Variants in PITPNB observed in about 807,000 individuals in gnomAD.
The protein encoded by PITPNB is phosphatidylinositol transfer protein beta isoform.
Under a neutral mutation model 45.9 loss-of-function variants are expected in PITPNB, and 16 were observed. The observed-to-expected ratio is 0.35, with a 90% CI of 0.24 to 0.53. PITPNB has a LOEUF of 0.53. Among genes scored for constraint, PITPNB ranks in the 20% least tolerant of loss-of-function variants. PITPNB has a pLI of 0.93. For missense variants in PITPNB, 188 were observed against 330.5 expected (o/e 0.57, Z 3.34); for synonymous variants, 112 against 108.9 (o/e 1.03, Z -0.18).
intron 8 of PITPNB, among the ~76,000 whole-genome samples, chr22:27,870,405 T>C (rs1312352763): frequency 1.3e-5 from 2 of 152,182 alleles, no homozygotes; most frequent in Admixed American, 6.6e-5. Context: ...AAAGAAATCA[T>C]AGGATTTGCA....
In PITPNB at chr22:27,904,399, AT is replaced by A. The variant is rs375333445; in HGVS notation, c.198-6508del. Among the ~76,000 whole-genome samples, 1,028 of 152,368 alleles carry A rather than the reference AT, an allele frequency of 6.7e-3. 7 individuals are homozygous for A. The highest frequency in any genetic ancestry group is 0.022 in the African/African-American group (934 of 41,578). ...GGAAGGCCACATATTACATGATTCCATTTATATAAAATATCCACAGTATATC... is the reference window on the plus strand; with the variant it reads ...GGAAGGCCACATATTACATGATTCCATTATATAAAATATCCACAGTATATC... On this transcript the variant is annotated intron_variant, in intron 3 of 11. Transcript: ENST00000335272.
At chr22:27,854,801 T>C (rs1469391107) in intron 11 of PITPNB, 53 bp downstream of exon 11, 4 of 1,059,828 alleles carry the variant, frequency 3.8e-6, no homozygotes, top group African/African-American at 1.6e-5. Flanking sequence ...TAACTGCCCA[T>C]CACCAAAAAG....
At position 27,884,130 on chromosome 22, in the gene PITPNB, C is replaced by A. The variant is rs534096920; in HGVS notation, c.457-10315G>T. Among the ~76,000 whole-genome samples the A allele has an allele frequency of 6.2e-4, 87 of 139,566 alleles. No homozygotes were observed. In the Middle Eastern group the frequency reaches 0.014, roughly 23 times the overall value. 91.6% of individuals were successfully genotyped at this position (139,566 alleles called of 152,430 possible). ...TCAACAGCAGCAACAACCCAGGGAC[C>A]ACACAGTGTAGGGAGGGAAGGCTGG... On this transcript the variant is annotated intron_variant, in intron 7 of 11. Transcript: ENST00000335272.
At chr22:27,890,080 T>C (rs147594303) in intron 7 of PITPNB, among the ~76,000 whole-genome samples, 56 of 151,942 alleles carry the variant, frequency 3.7e-4, no homozygotes, top group African/African-American at 1.3e-3. Flanking sequence ...TCAATGCCTG[T>C]GAAAGTGGAC....
chr22:27,866,902 T>C (rs1393567400), intron 8 of PITPNB, among the ~76,000 whole-genome samples: 6 of 152,144 alleles, frequency 3.9e-5, no homozygotes, highest in Non-Finnish European at 7.3e-5. Context: ...TCAGTAAATA[T>C]CAACACAAGA....
In PITPNB at chr22:27,914,362, G is replaced by GA; in HGVS notation, c.21-16dup. 1.3e-6 allele frequency: 2 copies of GA among 1,530,300 alleles called. No homozygotes were observed. Among genetic ancestry groups the GA allele is most frequent in the Non-Finnish European group, 1.8e-6 (2 of 1,109,870 alleles). The allele number at this position is 1,530,300 out of a possible 1,614,324, so 94.8% of individuals were successfully genotyped here. A position where few individuals can be genotyped will look rare whatever the true frequency, so the allele number is the denominator to read the frequency against. On this transcript the variant is annotated splice_polypyrimidine_tract_variant and intron_variant, in intron 1 of 11. Coordinates refer to ENST00000335272, the MANE Select transcript of PITPNB (RefSeq NM_012399.5). ...AAACCACACGGCTAAAAAGACAAAA[G>GA]AAAAAATATATATATTACATATGAA...
chr22:27,890,357 A>ATT (rs35291498), intron 7 of PITPNB, among the ~76,000 whole-genome samples: 331 of 148,374 alleles, frequency 2.2e-3, no homozygotes, highest in Non-Finnish European at 2.4e-3. Flanking sequence ...TACTGGAATT[A>ATT]TTTTTTTTTT....
chr22:27,908,069 T>G lies in PITPNB; in HGVS notation c.197+2895A>C, dbSNP rs377378078. On this transcript the variant is annotated intron_variant, in intron 3 of 11. Coordinates refer to ENST00000335272, the MANE Select transcript of PITPNB (RefSeq NM_012399.5). ...TCATCCCCAAATAACCTCTCCGGAA[T>G]AAGAATATCTCTTGCACTAACCATA... 8.6e-5 allele frequency among the ~76,000 whole-genome samples: 13 copies of G among 151,936 alleles called. No homozygotes were observed. In the East Asian group the frequency reaches 2.4e-3, roughly 28 times the overall value.
chr22:27,881,758 C>T lies in PITPNB; in HGVS notation c.457-7943G>A, dbSNP rs544064711. On this transcript the variant is annotated intron_variant, in intron 7 of 11. Transcript: ENST00000335272. The stretch of plus-strand genomic sequence containing the variant: ...GCTTCTTGAAAGCTGTGAGAGAGAA[C>T]CAAAAGGACTGCTGACCATTTAGGG... 1.2e-4 allele frequency among the ~76,000 whole-genome samples: 18 copies of T among 151,902 alleles called. 1 individual carries two copies. Among genetic ancestry groups the T allele is most frequent in the Non-Finnish European group, 1.0e-4 (7 of 68,008 alleles).
At chr22:27,887,241 G>C (rs183308816) in intron 7 of PITPNB, among the ~76,000 whole-genome samples, 1 of 152,274 alleles carries the variant, frequency 6.6e-6, no homozygotes, top group Non-Finnish European at 1.5e-5. Flanking sequence ...GTAGTCACAC[G>C]ATCTCCCATT....
intron 8 of PITPNB, among the ~76,000 whole-genome samples, chr22:27,864,724 T>C (rs1404970168): frequency 2.0e-5 from 3 of 151,996 alleles, no homozygotes; most frequent in African/African-American, 7.2e-5. Flanking sequence ...GATCACCTGA[T>C]GTCAGGAGTT....
At chr22:27,879,532 A>G (rs934506658) in intron 7 of PITPNB, among the ~76,000 whole-genome samples, 1 of 152,160 alleles carries the variant, frequency 6.6e-6, no homozygotes, top group Non-Finnish European at 1.5e-5. Flanking sequence ...GCACAAATAT[A>G]GAATATATTT....
At chr22:27,876,021 A>G (rs1934810697) in intron 7 of PITPNB, among the ~76,000 whole-genome samples, 1 of 152,220 alleles carries the variant, frequency 6.6e-6, no homozygotes, top group South Asian at 2.1e-4. Flanking sequence ...TGAACTATGG[A>G]TTCACAGAAT....
chr22:27,917,941 T>G (rs1936132158), intron 1 of PITPNB, among the ~76,000 whole-genome samples: 1 of 152,140 alleles, frequency 6.6e-6, no homozygotes, highest in African/African-American at 2.4e-5. Flanking sequence ...AGCAAAGACC[T>G]GGAAGAAGGT....
intron 3 of PITPNB, among the ~76,000 whole-genome samples, chr22:27,900,649 G>A (rs1279967304): frequency 1.3e-5 from 2 of 152,088 alleles, no homozygotes; most frequent in African/African-American, 4.8e-5. Context: ...AGGAAAATGT[G>A]CACATGGAGT....
At chr22:27,862,913 T>C (rs963113360) in intron 8 of PITPNB, among the ~76,000 whole-genome samples, 1 of 152,242 alleles carries the variant, frequency 6.6e-6, no homozygotes, top group Non-Finnish European at 1.5e-5. Flanking sequence ...TGCAGGCCCC[T>C]GGCACTTAAG....
Position 27,853,633 on chromosome 22 carries a change from T to G in PITPNB, c.*69A>C. 6.4e-7 allele frequency: 1 copy of G among 1,551,022 alleles called. No homozygotes were observed. Among genetic ancestry groups the G allele is most frequent in the Non-Finnish European group, 8.7e-7 (1 of 1,146,956 alleles). On this transcript the variant is annotated 3_prime_UTR_variant, in exon 12 of 12. Transcript: ENST00000335272. ...CTTCTTCACTCATCACTGGCTGCGC[T>G]TGTTCCCCTCACTTGACCTTGATTA...
At position 27,908,794 on chromosome 22, in the gene PITPNB, T is replaced by C. The variant is rs373753830; in HGVS notation, c.197+2170A>G. Among the ~76,000 whole-genome samples, 15 of 152,286 alleles carry C rather than the reference T, an allele frequency of 9.8e-5. No homozygotes were observed. The East Asian group carries it at 1.9e-3, about 20-fold the overall frequency. ...TATACTTAGGGTACTAACAAATTAA[T>C]AGAAACCATGAAAAGACCTTCCTTA... On this transcript the variant is annotated intron_variant, in intron 3 of 11. Transcript: ENST00000335272.
chr22:27,876,394 A>C (rs1453116890), intron 7 of PITPNB, among the ~76,000 whole-genome samples: 1 of 152,256 alleles, frequency 6.6e-6, no homozygotes, highest in Non-Finnish European at 1.5e-5. Flanking sequence ...TACAAAGCAG[A>C]AAATATTAAA....
Sources: gnomAD v4.1 joint callset for allele counts (sites outside exome capture counted in the v4.1 genomes callset) on GRCh38, gnomAD v4.1.1 for gene constraint, MANE v1.5 for transcripts, NCBI Gene and HGNC (gene_info 2026-07-23, HGNC 2026-07-21) for gene names.